The following EWSR1 variants were observed in gnomAD, a reference collection of about 807,000 sequenced individuals.
EWSR1 encodes RNA-binding protein EWS.
A neutral mutation model predicts 92.1 loss-of-function variants in EWSR1; 14 were observed. The observed-to-expected ratio is 0.15, with a 90% CI of 0.10 to 0.24. The LOEUF (loss-of-function observed/expected upper bound fraction) is 0.24. Among genes scored for constraint, EWSR1 ranks in the 10% least tolerant of loss-of-function variants. The pLI is 1.00. For synonymous variants in EWSR1, 303 were observed against 292.9 expected, an observed-to-expected ratio of 1.03 and a Z score of -0.35; for missense variants, 637 against 870.9, an observed-to-expected ratio of 0.73 and a Z score of 3.38.
Position 29,273,659 on chromosome 22 carries a change from G to C in EWSR1, c.103-82G>C, listed in dbSNP as rs4820803. 272,450 of 1,459,576 alleles carry C rather than the reference G, an allele frequency of 0.19. 28,512 individuals carry two copies. The highest frequency in any genetic ancestry group is 0.37 in the South Asian group (28,823 of 78,840). 90.4% of individuals were successfully genotyped at this position (1,459,576 alleles called of 1,614,324 possible). A position where few individuals can be genotyped will look rare whatever the true frequency, so the allele number is the denominator to read the frequency against. On this transcript the variant is annotated intron_variant, in intron 3 of 16. Coordinates refer to ENST00000397938, the MANE Select transcript of EWSR1 (RefSeq NM_005243.4). ...TCTAGAAAGGAATGTTTTTGATTTT[G>C]GTTCTCCAATTTAGTCCATTTTATT...
chr22:29,288,530 G>A (rs778546554), intron 7 of EWSR1, 76 bp from the exon 8 acceptor site: 89 of 1,417,972 alleles, frequency 6.3e-5, no homozygotes, highest in Middle Eastern at 5.3e-4. Context: ...TGAGGATTTT[G>A]TGATTCCAGG....
At position 29,296,347 on chromosome 22, in the gene EWSR1, G is replaced by T; in HGVS notation, c.1273G>T (p.Ala425Ser). ...VSYEDPPTAK[A>S]AVEWFDGKDF... ...CTATGAAGACCCACCCACTGCCAAG[G>T]CTGCCGTGGAATGGTTTGATGGTGA... The change falls in exon 12 of 17, where the codon GCT (alanine) becomes TCT (serine). Residue 425 changes from alanine to serine, a missense_variant. Coordinates refer to ENST00000397938, the MANE Select transcript of EWSR1 (RefSeq NM_005243.4). 1 of 1,614,112 alleles carries T rather than the reference G, an allele frequency of 6.2e-7. No individual in the cohort carries two copies. Among genetic ancestry groups the T allele is most frequent in the Non-Finnish European group, 8.5e-7 (1 of 1,179,982 alleles).
intron 3 of EWSR1, 138 bp from the exon 4 acceptor site, chr22:29,273,603 T>C (rs2058860946): frequency 6.5e-6 from 6 of 927,816 alleles, no homozygotes; most frequent in Non-Finnish European, 9.5e-6. Context: ...ATTTGTCTTG[T>C]TTTGTTGTTT....
chr22:29,279,520 C>T (rs1287815346), intron 5 of EWSR1, among the ~76,000 whole-genome samples: 2 of 152,206 alleles, frequency 1.3e-5, no homozygotes, highest in Admixed American at 6.5e-5. Flanking sequence ...AGCAGGTAAA[C>T]AGTATAATTA....
rs139780199 is a variant in EWSR1, at chr22:29,282,545, A to G, written c.569A>G (p.Tyr190Cys). 7 of 1,517,730 alleles carry G rather than the reference A, an allele frequency of 4.6e-6. No homozygotes were observed. The highest frequency in any genetic ancestry group is 6.1e-6 in the Non-Finnish European group (7 of 1,139,112). 94.0% of individuals were successfully genotyped at this position (1,517,730 alleles called of 1,614,324 possible). A position where few individuals can be genotyped will look rare whatever the true frequency, so the allele number is the denominator to read the frequency against. The change falls in exon 6 of 17, where the codon TAC (tyrosine) becomes TGC (cysteine). Residue 190 changes from tyrosine to cysteine, a missense_variant. By Grantham distance (194) the Tyr-to-Cys change is radical. This residue lies in a region of EWSR1 where 116 missense variants were observed against 167.8 expected (regional missense o/e 0.69). Coordinates refer to ENST00000397938, the MANE Select transcript of EWSR1 (RefSeq NM_005243.4). The stretch of plus-strand genomic sequence containing the variant: ...CAGCCAGTCACTGCACCTCCATCCT[A>G]CCCTCCTACCAGGTCAGTCTACTTT... ...PMQPVTAPPS[Y>C]PPTSYSSTQP...
chr22:29,297,715 G>A, intron 12 of EWSR1, 112 bp from the exon 13 acceptor site: 2 of 1,403,612 alleles, frequency 1.4e-6, no homozygotes, highest in Non-Finnish European at 1.9e-6. Flanking sequence ...AAAGATCTTA[G>A]AGAAGATTAC....
Position 29,297,968 on chromosome 22 carries a change from T to C in EWSR1, c.1417+19T>C. On this transcript the variant is annotated intron_variant, in intron 13 of 16. Coordinates refer to ENST00000397938, the MANE Select transcript of EWSR1 (RefSeq NM_005243.4). ...CGTGGAGGTACTTTTTCTGAGCTCCTATGTTGCATTAAAAGGTTTTCAGTA... is the reference window on the plus strand; with the variant it reads ...CGTGGAGGTACTTTTTCTGAGCTCCCATGTTGCATTAAAAGGTTTTCAGTA... 1 of 1,603,534 alleles carries C rather than the reference T, an allele frequency of 6.2e-7. No individual in the cohort carries two copies. Among genetic ancestry groups the C allele is most frequent in the Non-Finnish European group, 8.5e-7 (1 of 1,176,124 alleles).
At chr22:29,291,714 G>A in intron 9 of EWSR1, 115 bp downstream of exon 9, 3 of 957,316 alleles carry the variant, frequency 3.1e-6, no homozygotes, top group East Asian at 2.6e-5. Context: ...CTATACAAAA[G>A]AGACTAATGG....
At chr22:29,281,682 G>A (rs562630920) in intron 5 of EWSR1, among the ~76,000 whole-genome samples, 92 of 152,106 alleles carry the variant, frequency 6.0e-4, no homozygotes, top group Non-Finnish European at 1.2e-3. Context: ...CTGGGTTCAC[G>A]CCATTCTCCT....
intron 13 of EWSR1, among the ~76,000 whole-genome samples, chr22:29,298,365 G>T (rs1462545192): frequency 2.0e-5 from 3 of 152,182 alleles, no homozygotes; most frequent in Non-Finnish European, 4.4e-5. Context: ...AATTAGCCGG[G>T]TATGGTGGTG....
In EWSR1 at chr22:29,297,043, C is replaced by T. The variant is rs937067546; in HGVS notation, c.1294+675C>T. On this transcript the variant is annotated intron_variant, in intron 12 of 16. Coordinates refer to ENST00000397938, the MANE Select transcript of EWSR1 (RefSeq NM_005243.4). ...CCAACCTGGGCAACGGAGCAAGACT[C>T]TGTCTCAAAGAAAGTGTCAAATAAC... Among the ~76,000 whole-genome samples, 4 of 152,202 alleles carry T rather than the reference C, an allele frequency of 2.6e-5. No homozygotes were observed. The East Asian group carries it at 7.7e-4, about 29-fold the overall frequency.
At chr22:29,280,159 C>T (rs2059448965) in intron 5 of EWSR1, among the ~76,000 whole-genome samples, 1 of 151,884 alleles carries the variant, frequency 6.6e-6, no homozygotes, top group Non-Finnish European at 1.5e-5. Flanking sequence ...CACCCACCAC[C>T]CAGGTTCAAG....
In EWSR1 at chr22:29,300,246, T is replaced by C; in HGVS notation, c.*85T>C. The C allele has an allele frequency of 7.8e-7, 1 of 1,283,970 alleles. No individual in the cohort carries two copies. The highest frequency in any genetic ancestry group is 1.2e-5 in the South Asian group (1 of 81,760). 79.5% of individuals were successfully genotyped at this position (1,283,970 alleles called of 1,614,324 possible). ...TTTTAAATTTATAATTCCATATTTATAATGTTGGCCACAACATTATGATTA... is the reference window on the plus strand; with the variant it reads ...TTTTAAATTTATAATTCCATATTTACAATGTTGGCCACAACATTATGATTA... On this transcript the variant is annotated 3_prime_UTR_variant, in exon 17 of 17. Coordinates refer to ENST00000397938, the MANE Select transcript of EWSR1 (RefSeq NM_005243.4).
chr22:29,288,329 C>T (rs894586195), intron 7 of EWSR1, among the ~76,000 whole-genome samples: 1 of 152,146 alleles, frequency 6.6e-6, no homozygotes, highest in African/African-American at 2.4e-5. Context: ...ATATAGAACC[C>T]TATAAACTAT....
At chr22:29,294,293 T>C (rs2060669112) in intron 11 of EWSR1, among the ~76,000 whole-genome samples, 1 of 152,200 alleles carries the variant, frequency 6.6e-6, no homozygotes. Flanking sequence ...ACTTTTCTGG[T>C]TATTACTGGT....
At position 29,292,131 on chromosome 22, in the gene EWSR1, T is replaced by G. The variant is rs1026419140; in HGVS notation, c.1013-6T>G. On this transcript the variant is annotated splice_polypyrimidine_tract_variant and splice_region_variant and intron_variant, in intron 9 of 16. Transcript: ENST00000397938. ...AATATTTTATATGATCTTTCCTGGTTGGCAGGACCCATGGATGAAGGACCA... is the reference window on the plus strand; with the variant it reads ...AATATTTTATATGATCTTTCCTGGTGGGCAGGACCCATGGATGAAGGACCA... 2.5e-6 allele frequency: 4 copies of G among 1,613,580 alleles called. No homozygotes were observed. Among genetic ancestry groups the G allele is most frequent in the Non-Finnish European group, 3.4e-6 (4 of 1,179,584 alleles).
At chr22:29,271,840 T>C (rs1032275411) in intron 1 of EWSR1, among the ~76,000 whole-genome samples, 2 of 152,202 alleles carry the variant, frequency 1.3e-5, no homozygotes, top group African/African-American at 4.8e-5. Context: ...TGCCTCCGTT[T>C]TATATGAGGG....
At chr22:29,290,257 T>C in intron 8 of EWSR1, 1 of 606,988 alleles carries the variant, frequency 1.6e-6, no homozygotes, top group South Asian at 2.8e-5. Flanking sequence ...GCCCCCCTTT[T>C]TATTGTGGTG....
Position 29,300,236 on chromosome 22 carries a change from T to C in EWSR1, c.*75T>C. 1 of 1,382,258 alleles carries C rather than the reference T, an allele frequency of 7.2e-7. No homozygotes were observed. The highest frequency in any genetic ancestry group is 1.7e-5 in the Admixed American group (1 of 57,278). The allele number at this position is 1,382,258 out of a possible 1,614,324, so 85.6% of individuals were successfully genotyped here. ...CCAGAAAATGTTTTAAATTTATAATTCCATATTTATAATGTTGGCCACAAC... is the reference window on the plus strand; with the variant it reads ...CCAGAAAATGTTTTAAATTTATAATCCCATATTTATAATGTTGGCCACAAC... On this transcript the variant is annotated 3_prime_UTR_variant, in exon 17 of 17. Coordinates refer to ENST00000397938, the MANE Select transcript of EWSR1 (RefSeq NM_005243.4).
Sources: gnomAD v4.1 joint callset for allele counts (sites outside exome capture counted in the v4.1 genomes callset) on GRCh38, gnomAD v4.1.1 for gene constraint, gnomAD v4.1.1 regional missense constraint, MANE v1.5 for transcripts, NCBI Gene and HGNC (gene_info 2026-07-23, HGNC 2026-07-21) for gene names.